Variants in CD2AP observed in about 807,000 individuals in gnomAD.
CD2AP encodes CD2 associated protein, also known as CD2-associated protein.
In CD2AP, 46 loss-of-function variants were observed where a neutral mutation model predicts 85.1. That is an observed-to-expected ratio of 0.54 (90% CI 0.43 to 0.69). The LOEUF (loss-of-function observed/expected upper bound fraction) is 0.69, where lower values mean the gene tolerates loss of function less well. Among genes scored for constraint, CD2AP ranks in the 30% least tolerant of loss-of-function variants. The pLI is 0.00. For missense variants in CD2AP, 769 were observed against 729.5 expected (o/e 1.05, Z -0.62); for synonymous variants, 255 against 252.9 (o/e 1.01, Z -0.08).
chr6:47,595,805 A>T (rs1768923940), intron 11 of CD2AP, 56 bp from the exon 12 acceptor site: 5 of 1,512,626 alleles, frequency 3.3e-6, no homozygotes, highest in Non-Finnish European at 4.6e-6. Context: ...TTTTGGAAAT[A>T]GAAAAACCTA....
intron 1 of CD2AP, among the ~76,000 whole-genome samples, chr6:47,495,424 C>G (rs1355447687): frequency 6.6e-6 from 1 of 152,176 alleles, no homozygotes; most frequent in Non-Finnish European, 1.5e-5. Context: ...CCAGAAAGAA[C>G]TAACCCTGCT....
At chr6:47,589,926 C>G (rs1768747026) in intron 11 of CD2AP, among the ~76,000 whole-genome samples, 1 of 152,036 alleles carries the variant, frequency 6.6e-6, no homozygotes, top group Non-Finnish European at 1.5e-5. Flanking sequence ...TTCTAATAAT[C>G]TCAATTCTTG....
chr6:47,527,275 T>A (rs562080201), intron 2 of CD2AP, among the ~76,000 whole-genome samples: 6 of 152,350 alleles, frequency 3.9e-5, no homozygotes, highest in African/African-American at 1.4e-4. Flanking sequence ...ATACCTGTTG[T>A]TGCTGCTCTT....
At chr6:47,481,565 C>T (rs1765444674) in intron 1 of CD2AP, among the ~76,000 whole-genome samples, 1 of 152,074 alleles carries the variant, frequency 6.6e-6, no homozygotes, top group Admixed American at 6.5e-5. Context: ...AGGCTGGTCT[C>T]GAACTCCTGA....
chr6:47,592,906 T>C (rs1224019573), intron 11 of CD2AP, among the ~76,000 whole-genome samples: 3 of 152,180 alleles, frequency 2.0e-5, no homozygotes, highest in African/African-American at 7.2e-5. Flanking sequence ...CTGTGAGCTC[T>C]TCTAACAAGT....
intron 2 of CD2AP, among the ~76,000 whole-genome samples, chr6:47,517,587 G>T (rs1405401781): frequency 6.6e-6 from 1 of 152,004 alleles, no homozygotes; most frequent in African/African-American, 2.4e-5. Context: ...ACCGCGCCTG[G>T]CCCTAAACCT....
intron 2 of CD2AP, among the ~76,000 whole-genome samples, chr6:47,525,603 G>A (rs938417583): frequency 6.6e-6 from 1 of 152,092 alleles, no homozygotes; most frequent in Non-Finnish European, 1.5e-5. Context: ...TGAAGGAGTG[G>A]TTTGTGAATT....
In CD2AP at chr6:47,625,292, A is replaced by T. The variant is rs1452075327; in HGVS notation, c.*1065A>T. Reference sequence around the variant, plus strand: ...TAAATACTCAGGTTTTACGATGTATAATTTACCTAATAGACCAAACTAACT... The same window carrying T: ...TAAATACTCAGGTTTTACGATGTATTATTTACCTAATAGACCAAACTAACT... On this transcript the variant is annotated 3_prime_UTR_variant, in exon 18 of 18. Coordinates refer to ENST00000359314, the MANE Select transcript of CD2AP (RefSeq NM_012120.3). 4 of 151,964 alleles carry T rather than the reference A, an allele frequency of 2.6e-5. No individual in the cohort carries two copies. The highest frequency in any genetic ancestry group is 4.4e-5 in the Non-Finnish European group (3 of 67,828). 9.4% of individuals were successfully genotyped at this position (151,964 alleles called of 1,614,324 possible). A position where few individuals can be genotyped will look rare whatever the true frequency, so the allele number is the denominator to read the frequency against.
intron 3 of CD2AP, among the ~76,000 whole-genome samples, chr6:47,534,599 G>C (rs1442899544): frequency 1.3e-5 from 2 of 152,036 alleles, no homozygotes; most frequent in Non-Finnish European, 2.9e-5. Context: ...CAGCTACTTG[G>C]GAGACTGAGG....
intron 1 of CD2AP, among the ~76,000 whole-genome samples, chr6:47,490,021 G>T (rs1765687905): frequency 6.8e-6 from 1 of 147,356 alleles, no homozygotes. Context: ...TGTCGCCTAG[G>T]CTGGAGTATA....
intron 5 of CD2AP, among the ~76,000 whole-genome samples, chr6:47,568,401 G>T (rs1394466537): frequency 5.3e-5 from 8 of 152,088 alleles, no homozygotes; most frequent in African/African-American, 1.7e-4. Flanking sequence ...GAAAAATTCG[G>T]ATGTCTGTGC....
intron 16 of CD2AP, chr6:47,609,532 GAAA>G (rs1297501470): frequency 1.4e-5 from 3 of 210,154 alleles, no homozygotes; most frequent in Non-Finnish European, 1.8e-5. Context: ...AAAAAAAAAA[GAAA>G]AGAAAAGAAA....
At chr6:47,591,740 T>C in intron 11 of CD2AP, among the ~76,000 whole-genome samples, 1 of 152,130 alleles carries the variant, frequency 6.6e-6, no homozygotes, top group Non-Finnish European at 1.5e-5. Flanking sequence ...TAAAAGGACA[T>C]ATTTTGGTTA....
chr6:47,515,004 A>T (rs927536886), intron 2 of CD2AP, among the ~76,000 whole-genome samples: 3 of 151,898 alleles, frequency 2.0e-5, no homozygotes, highest in Admixed American at 2.0e-4. Context: ...GTGAGCCAAG[A>T]TCACTCCACT....
chr6:47,486,626 GAAGT>G (rs1404424658), intron 1 of CD2AP, among the ~76,000 whole-genome samples: 3 of 152,166 alleles, frequency 2.0e-5, no homozygotes, highest in Non-Finnish European at 4.4e-5. Context: ...TCTTTAGAAT[GAAGT>G]AAGCCTTCTC....
Position 47,581,989 on chromosome 6 carries a change from G to GT in CD2AP, c.1046-8dup, listed in dbSNP as rs1382830303. ...ACTGTCTTCTTAAAAAAGTATTAATGTTTTTTCCCATAGCTCCAAAGCCTG... is the reference window on the plus strand; with the variant it reads ...ACTGTCTTCTTAAAAAAGTATTAATGTTTTTTTCCCATAGCTCCAAAGCCTG... On this transcript the variant is annotated splice_polypyrimidine_tract_variant and intron_variant, in intron 10 of 17. Coordinates refer to ENST00000359314, the MANE Select transcript of CD2AP (RefSeq NM_012120.3). 2 of 1,573,756 alleles carry GT rather than the reference G, an allele frequency of 1.3e-6. No individual in the cohort carries two copies. The highest frequency in any genetic ancestry group is 8.7e-7 in the Non-Finnish European group (1 of 1,143,664).
At chr6:47,610,971 A>ATATATATATATTTTTTT in intron 16 of CD2AP, among the ~76,000 whole-genome samples, 4 of 112,906 alleles carry the variant, frequency 3.5e-5, no homozygotes, top group African/African-American at 1.4e-4. Flanking sequence ...ATATATATGT[A>ATATATATATATTTTTTT]TTTTTTTTTT....
intron 2 of CD2AP, among the ~76,000 whole-genome samples, chr6:47,503,657 C>T (rs896903553): frequency 3.3e-5 from 5 of 152,060 alleles, no homozygotes; most frequent in Non-Finnish European, 7.3e-5. Flanking sequence ...TGTATATATG[C>T]TTGTATATGG....
chr6:47,502,555 A>G (rs1564927), intron 1 of CD2AP, among the ~76,000 whole-genome samples: 144,657 of 150,440 alleles, frequency 0.96, 69,774 homozygotes, highest in East Asian at 1. Flanking sequence ...GTGCAGTAGC[A>G]CGTTCTTGGC....
Sources: allele counts gnomAD v4.1 joint callset (sites outside exome capture counted in the v4.1 genomes callset), GRCh38; gene constraint gnomAD v4.1.1; transcripts MANE v1.5; gene names NCBI Gene and HGNC (gene_info 2026-07-23, HGNC 2026-07-21).